PTPRD: variants seen among roughly 807,000 people sequenced by gnomAD.
PTPRD encodes protein tyrosine phosphatase receptor type D.
In PTPRD, 34 loss-of-function variants were observed where a neutral mutation model predicts 214.5. That is an observed-to-expected ratio of 0.16 (90% confidence interval 0.12 to 0.21). The LOEUF (loss-of-function observed/expected upper bound fraction) is 0.21. PTPRD is among the 10% of genes least tolerant of loss of function. The pLI, the probability that PTPRD is intolerant of heterozygous loss-of-function variation, is 1.00. For missense variants in PTPRD, 2,545 were observed against 2,398.7 expected, an observed-to-expected ratio of 1.06 and a Z score of -1.27; for synonymous variants, 1,128 against 845.7, an observed-to-expected ratio of 1.33 and a Z score of -5.79.
At chr9:9,397,312 T>C (rs7848297) in intron 9 of PTPRD, 137 bp downstream of exon 9, 85,239 of 151,924 alleles carry the variant, frequency 0.56, 24,624 homozygotes, top group Admixed American at 0.64. Flanking sequence ...CAAAACATCC[T>C]AAAATGCCTA....
chr9:9,911,496 C>CG (rs2079177236), intron 5 of PTPRD, among the ~76,000 whole-genome samples: 2 of 151,830 alleles, frequency 1.3e-5, no homozygotes, highest in Middle Eastern at 3.2e-3. Flanking sequence ...GTTTGTTACC[C>CG]CAACTAAATT....
chr9:10,578,751 G>C (rs1320843163), intron 2 of PTPRD, among the ~76,000 whole-genome samples: 1 of 151,960 alleles, frequency 6.6e-6, no homozygotes, highest in African/African-American at 2.4e-5. Flanking sequence ...TTTTATTTTA[G>C]ATTTGGGGGT....
intron 4 of PTPRD, among the ~76,000 whole-genome samples, chr9:9,956,280 T>TAAAAAA (rs202114228): frequency 2.4e-5 from 3 of 127,572 alleles, no homozygotes; most frequent in Non-Finnish European, 3.4e-5. Flanking sequence ...AAGTCAAACT[T>TAAAAAA]AAAAAAAAAA....
intron 14 of PTPRD, among the ~76,000 whole-genome samples, chr9:8,589,724 C>G (rs1308327455): frequency 6.6e-6 from 1 of 152,154 alleles, no homozygotes; most frequent in Non-Finnish European, 1.5e-5. Context: ...GTTGGCACGT[C>G]TGCCACCTCA....
At position 9,633,032 on chromosome 9, in the gene PTPRD, C is replaced by T. The variant is rs182710032; in HGVS notation, c.-286-58251G>A. Among the ~76,000 whole-genome samples the T allele has an allele frequency of 9.2e-5, 14 of 152,178 alleles. 1 individual carries two copies. The East Asian group carries it at 1.7e-3, about 19-fold the overall frequency. On this transcript the variant is annotated intron_variant, in intron 7 of 45. Transcript: ENST00000381196. ...GTAGCTGGCTAGGCATGGTGGTTCACGCCTATAATCCCAGCACTTTGGGAG... is the reference window on the plus strand; with the variant it reads ...GTAGCTGGCTAGGCATGGTGGTTCATGCCTATAATCCCAGCACTTTGGGAG...
chr9:9,768,113 G>A (rs2098721240), intron 5 of PTPRD, among the ~76,000 whole-genome samples: 2 of 152,016 alleles, frequency 1.3e-5, no homozygotes, highest in South Asian at 4.1e-4. Flanking sequence ...AATCCCCTAG[G>A]CCAACTTCTT....
chr9:9,447,037 A>G (rs192931524), intron 8 of PTPRD, among the ~76,000 whole-genome samples: 3 of 152,288 alleles, frequency 2.0e-5, no homozygotes, highest in African/African-American at 7.2e-5. Flanking sequence ...AAGGCTGTGG[A>G]GACAAAGGAA....
At chr9:9,765,691 C>A (rs774576296) in intron 6 of PTPRD, among the ~76,000 whole-genome samples, 3 of 152,166 alleles carry the variant, frequency 2.0e-5, no homozygotes, top group Non-Finnish European at 4.4e-5. Context: ...GACGGAGTCT[C>A]GCTCTGTCGC....
At position 8,329,937 on chromosome 9, in the gene PTPRD, TATCTTGCTGGGCTCTGTGGGAGTGGATC is replaced by T. The variant is rs1216494845; in HGVS notation, c.5534+1617_5534+1644del. Among the ~76,000 whole-genome samples the T allele has an allele frequency of 1.5e-4, 8 of 55,050 alleles. No individual in the cohort carries two copies. The African/African-American group carries it at 2.3e-3, about 16-fold the overall frequency. The allele number at this position is 55,050 out of a possible 152,430, so 36.1% of individuals were successfully genotyped here. On this transcript the variant is annotated intron_variant, in intron 44 of 45. Transcript: ENST00000381196. ...GTGAGATTTTCAAGCCAGTGGATCG[TATCTTGCTGGGCTCTGTGGGAGTGGATC>T]GTATCTTGCTGGGCTCTGTGGGGGT...
chr9:8,626,204 C>G (rs896330596), intron 14 of PTPRD, among the ~76,000 whole-genome samples: 4 of 151,754 alleles, frequency 2.6e-5, no homozygotes, highest in East Asian at 1.9e-4. Flanking sequence ...TCAATGAAAG[C>G]CAACCAACTA....
intron 9 of PTPRD, among the ~76,000 whole-genome samples, chr9:9,228,770 A>G (rs1051291102): frequency 1.3e-5 from 2 of 152,156 alleles, no homozygotes; most frequent in African/African-American, 4.8e-5. Context: ...AAGCACACAT[A>G]AACTATTAAT....
chr9:10,204,774 T>C (rs1005578302), intron 3 of PTPRD, among the ~76,000 whole-genome samples: 3 of 152,150 alleles, frequency 2.0e-5, no homozygotes, highest in Non-Finnish European at 2.9e-5. Context: ...ACATGTAATT[T>C]TATCAGAAAA....
At chr9:10,441,225 T>C (rs1018914124) in intron 2 of PTPRD, among the ~76,000 whole-genome samples, 9 of 151,736 alleles carry the variant, frequency 5.9e-5, no homozygotes, top group Non-Finnish European at 1.3e-4. Flanking sequence ...ATCATTCAAC[T>C]GCTTTCCACA....
chr9:9,311,747 T>C (rs1959071345), intron 9 of PTPRD, among the ~76,000 whole-genome samples: 1 of 152,174 alleles, frequency 6.6e-6, no homozygotes, highest in Non-Finnish European at 1.5e-5. Context: ...ACCATTGTTT[T>C]AAATAGAATA....
At chr9:9,147,073 GTACAT>G (rs1210447083) in intron 10 of PTPRD, among the ~76,000 whole-genome samples, 3 of 152,234 alleles carry the variant, frequency 2.0e-5, no homozygotes, top group Admixed American at 6.5e-5. Context: ...TAATAAGTTA[GTACAT>G]TACAAGTATG....
intron 2 of PTPRD, among the ~76,000 whole-genome samples, chr9:10,515,485 T>G (rs766901522): frequency 6.6e-6 from 1 of 152,042 alleles, no homozygotes; most frequent in Non-Finnish European, 1.5e-5. Context: ...TATGATCTTA[T>G]GAATAATGTT....
chr9:9,014,160 G>C (rs2099523443), intron 11 of PTPRD, among the ~76,000 whole-genome samples: 1 of 149,928 alleles, frequency 6.7e-6, no homozygotes, highest in African/African-American at 2.5e-5. Context: ...TAACTGTTTG[G>C]TCCATGCTAT....
intron 14 of PTPRD, among the ~76,000 whole-genome samples, chr9:8,620,704 T>C (rs1466677602): frequency 1.3e-5 from 2 of 151,992 alleles, no homozygotes; most frequent in African/African-American, 4.8e-5. Context: ...TGTAGTATTG[T>C]ATGTTAAACA....
chr9:8,804,214 A>T (rs558946797), intron 11 of PTPRD, among the ~76,000 whole-genome samples: 1 of 152,160 alleles, frequency 6.6e-6, no homozygotes, highest in East Asian at 1.9e-4. Flanking sequence ...CAGCCTCCCA[A>T]AGTGCAGGAA....
Sources: gnomAD v4.1 joint callset for allele counts (sites outside exome capture counted in the v4.1 genomes callset) on GRCh38, gnomAD v4.1.1 for gene constraint, MANE v1.5 for transcripts, NCBI Gene and HGNC (gene_info 2026-07-23, HGNC 2026-07-21) for gene names.